EPSTI1: variants seen among roughly 807,000 people sequenced by gnomAD.
The protein encoded by EPSTI1 is epithelial-stromal interaction protein 1.
EPSTI1 carries 66 observed loss-of-function variants against 49.9 expected under a neutral mutation model. That is an observed-to-expected ratio of 1.32 (90% confidence interval 1.08 to 1.62). EPSTI1 has a LOEUF of 1.62. EPSTI1 is among the 40% of genes most tolerant of loss of function. The pLI, the probability that EPSTI1 is intolerant of heterozygous loss-of-function variation, is 0.00. For synonymous variants in EPSTI1, 137 were observed against 130.7 expected, an observed-to-expected ratio of 1.05 and a Z score of -0.33; for missense variants, 394 against 365.5, an observed-to-expected ratio of 1.08 and a Z score of -0.64.
At chr13:42,955,990 G>T (rs998957666) in intron 5 of EPSTI1, among the ~76,000 whole-genome samples, 5 of 151,990 alleles carry the variant, frequency 3.3e-5, no homozygotes, top group African/African-American at 1.2e-4. Context: ...TAGATGCTGG[G>T]AATACAGCTA....
chr13:42,971,647 GTC>G (rs1320301916), intron 1 of EPSTI1, among the ~76,000 whole-genome samples: 2 of 152,176 alleles, frequency 1.3e-5, no homozygotes, highest in African/African-American at 4.8e-5. Context: ...ACTCTTGGAA[GTC>G]TCTCTCTTCT....
intron 6 of EPSTI1, among the ~76,000 whole-genome samples, chr13:42,952,875 G>A (rs1415277217): frequency 6.6e-6 from 1 of 152,180 alleles, no homozygotes; most frequent in Non-Finnish European, 1.5e-5. Flanking sequence ...GATAGAGGCA[G>A]GATAATTTTA....
intron 6 of EPSTI1, among the ~76,000 whole-genome samples, chr13:42,951,238 C>T (rs1378104177): frequency 2.0e-5 from 3 of 152,198 alleles, no homozygotes; most frequent in Non-Finnish European, 2.9e-5. Flanking sequence ...ATGACAAAAA[C>T]TTGTCATATA....
intron 6 of EPSTI1, 110 bp downstream of exon 6, chr13:42,953,838 C>T: frequency 1.3e-6 from 1 of 777,838 alleles, no homozygotes; most frequent in South Asian, 1.8e-5. Context: ...ATTAATACAA[C>T]AGCCAATAAT....
chr13:42,978,893 T>C (rs2039932141), intron 1 of EPSTI1, among the ~76,000 whole-genome samples: 1 of 152,196 alleles, frequency 6.6e-6, no homozygotes, highest in South Asian at 2.1e-4. Context: ...TTCATAAATA[T>C]ATATCATTAA....
chr13:42,976,775 T>C (rs184656033), intron 1 of EPSTI1, among the ~76,000 whole-genome samples: 1 of 152,352 alleles, frequency 6.6e-6, no homozygotes, highest in Admixed American at 6.5e-5. Context: ...TTCAGAAAAC[T>C]ATTTTAAAAA....
chr13:42,922,213 A>G lies in EPSTI1; in HGVS notation c.657+4123T>C, dbSNP rs2038023363. 6.6e-6 allele frequency among the ~76,000 whole-genome samples: 1 copy of G among 152,226 alleles called. No homozygotes were observed. Among genetic ancestry groups the G allele is most frequent in the Non-Finnish European group, 1.5e-5 (1 of 68,046 alleles). ...TATTAACAGATATTCGGAGCTAACT[A>G]AGAAAAGAAACAGGTGGTGGGTTGC... On this transcript the variant is annotated intron_variant, in intron 7 of 10. Transcript: ENST00000313624. The surrounding 1 kb of genome is among the most constrained non-coding windows in gnomAD (Gnocchi z 4.8).
intron 1 of EPSTI1, among the ~76,000 whole-genome samples, chr13:42,979,442 C>G (rs1449994191): frequency 6.6e-6 from 1 of 151,748 alleles, no homozygotes; most frequent in Non-Finnish European, 1.5e-5. Context: ...ATTAGCCGGG[C>G]GTGGTGGCGG....
At chr13:42,911,294 T>C (rs61950255) in intron 8 of EPSTI1, among the ~76,000 whole-genome samples, 2,383 of 117,718 alleles carry the variant, frequency 0.02, 31 homozygotes, top group Non-Finnish European at 0.032. Context: ...CGTGTGTGAG[T>C]GTGCACATGC....
intron 6 of EPSTI1, among the ~76,000 whole-genome samples, chr13:42,952,167 C>A (rs774789135): frequency 7.2e-5 from 11 of 152,144 alleles, no homozygotes; most frequent in Non-Finnish European, 1.5e-4. Context: ...GGGATGTGGG[C>A]GCAGACAAAT....
chr13:42,950,612 A>G (rs2039064959), intron 6 of EPSTI1, among the ~76,000 whole-genome samples: 1 of 152,230 alleles, frequency 6.6e-6, no homozygotes, highest in Non-Finnish European at 1.5e-5. Context: ...CTTTTTCTCC[A>G]GCAACTTGGA....
At chr13:42,890,006 T>TC (rs567451097) in intron 10 of EPSTI1, among the ~76,000 whole-genome samples, 3 of 152,082 alleles carry the variant, frequency 2.0e-5, no homozygotes, top group Admixed American at 1.3e-4. Context: ...AGAGTCTGTT[T>TC]CCCCCCAGTG....
chr13:42,921,483 CTAAG>C (rs2037991988), intron 7 of EPSTI1, among the ~76,000 whole-genome samples: 1 of 152,158 alleles, frequency 6.6e-6, no homozygotes. Flanking sequence ...TGGGAAGCCA[CTAAG>C]TAATATGCTC....
intron 6 of EPSTI1, among the ~76,000 whole-genome samples, chr13:42,948,425 G>GTTT (rs1237479085): frequency 0.02 from 2,506 of 127,976 alleles, 100 homozygotes; most frequent in African/African-American, 0.074. Context: ...GTGGCTTGTT[G>GTTT]TTTTTTTTTT....
At chr13:42,905,038 G>T (rs1028213028) in intron 8 of EPSTI1, among the ~76,000 whole-genome samples, 3 of 152,134 alleles carry the variant, frequency 2.0e-5, no homozygotes, top group African/African-American at 7.2e-5. Context: ...TTTATTATCA[G>T]TGTGAGAGGC....
At chr13:42,895,620 A>G (rs2037168569) in intron 9 of EPSTI1, among the ~76,000 whole-genome samples, 1 of 152,184 alleles carries the variant, frequency 6.6e-6, no homozygotes, top group African/African-American at 2.4e-5. Context: ...ATATTATTCT[A>G]TTTCTGGAGC....
intron 8 of EPSTI1, among the ~76,000 whole-genome samples, chr13:42,901,775 T>TA (rs2037360125): frequency 6.6e-6 from 1 of 152,226 alleles, no homozygotes; most frequent in African/African-American, 2.4e-5. Flanking sequence ...AATTTTTTTT[T>TA]ATTATTATAC....
In EPSTI1 at chr13:42,886,863, T is replaced by G. The variant is rs767310558; in HGVS notation, c.*1631A>C. The G allele has an allele frequency of 1.3e-5, 2 of 152,072 alleles. No homozygotes were observed. The highest frequency in any genetic ancestry group is 4.8e-5 in the African/African-American group (2 of 41,392). 9.4% of individuals were successfully genotyped at this position (152,072 alleles called of 1,614,324 possible). A position where few individuals can be genotyped will look rare whatever the true frequency, so the allele number is the denominator to read the frequency against. On this transcript the variant is annotated 3_prime_UTR_variant, in exon 11 of 11. Transcript: ENST00000313624. ...GGTAGGCCAGGCAGTGGAGGAGAAA[T>G]TGACACCAACTTCCCTGAGAGCTTC...
Position 42,970,604 on chromosome 13 carries a change from A to G in EPSTI1, c.247+8T>C, listed in dbSNP as rs1566170983. 2 of 1,603,412 alleles carry G rather than the reference A, an allele frequency of 1.2e-6. No individual in the cohort carries two copies. The highest frequency in any genetic ancestry group is 1.7e-6 in the Non-Finnish European group (2 of 1,173,912). ...CATTCTGAATGTTAAATGAATGACT[A>G]TACATACTTCTTTGTATCTCATTTC... On this transcript the variant is annotated splice_region_variant and intron_variant, in intron 2 of 10. Transcript: ENST00000313624.
Sources: allele counts gnomAD v4.1 joint callset (sites outside exome capture counted in the v4.1 genomes callset), GRCh38; gene constraint gnomAD v4.1.1; non-coding constraint Gnocchi (gnomAD v3.1); transcripts MANE v1.5; gene names NCBI Gene and HGNC (gene_info 2026-07-23, HGNC 2026-07-21).